The following CD300LB variants were observed in gnomAD, a reference collection of about 807,000 sequenced individuals.
CD300LB encodes CD300 molecule like family member b, also known as CMRF35-like molecule 7.
CD300LB carries 18 observed loss-of-function variants against 20.8 expected under a neutral mutation model. The ratio of observed to expected loss-of-function variants is 0.87; its 90% CI spans 0.60 to 1.28. The LOEUF is 1.28. CD300LB is among the 50% of genes most tolerant of loss of function. The pLI, the probability that CD300LB is intolerant of heterozygous loss-of-function variation, is 0.00. For missense variants in CD300LB, 222 were observed against 251.8 expected (o/e 0.88, Z 0.80); for synonymous variants, 91 against 91.3 (o/e 1.00, Z 0.02).
chr17:74,522,387 G>A lies in CD300LB; in HGVS notation c.*351C>T, dbSNP rs1015862139. On this transcript the variant is annotated 3_prime_UTR_variant, in exon 4 of 4. Coordinates refer to ENST00000392621, the MANE Select transcript of CD300LB (RefSeq NM_174892.4). ...GGTCTCCGGAATGATGGAAGTCTAG[G>A]GCTGGGGGGGTCTCCCCCAACCTCT... The A allele has an allele frequency of 6.8e-6, 7 of 1,025,028 alleles. No homozygotes were observed. Among genetic ancestry groups the A allele is most frequent in the Non-Finnish European group, 8.2e-6 (7 of 855,326 alleles). The allele number at this position is 1,025,028 out of a possible 1,614,324, so 63.5% of individuals were successfully genotyped here.
rs1396987649 is a variant in CD300LB at position 74,521,666 on chromosome 17, G to T, written c.*1072C>A. On this transcript the variant is annotated 3_prime_UTR_variant, in exon 4 of 4. Coordinates refer to ENST00000392621, the MANE Select transcript of CD300LB (RefSeq NM_174892.4). ...TTAGAACCAAGAGCAGGTTGGAGGCGTCCTCATGGGTGTTCAAAGGGCAAC... is the reference window on the plus strand; with the variant it reads ...TTAGAACCAAGAGCAGGTTGGAGGCTTCCTCATGGGTGTTCAAAGGGCAAC... 1.2e-5 allele frequency: 12 copies of T among 985,338 alleles called. No homozygotes were observed. The highest frequency in any genetic ancestry group is 1.7e-5 in the African/African-American group (1 of 57,204). The allele number at this position is 985,338 out of a possible 1,614,324, so 61.0% of individuals were successfully genotyped here. A position where few individuals can be genotyped will look rare whatever the true frequency, so the allele number is the denominator to read the frequency against.
chr17:74,522,628 G>A lies in CD300LB; in HGVS notation c.*110C>T. 6.5e-6 allele frequency: 10 copies of A among 1,537,608 alleles called. No individual in the cohort carries two copies. The highest frequency in any genetic ancestry group is 7.9e-6 in the Non-Finnish European group (9 of 1,143,780). On this transcript the variant is annotated 3_prime_UTR_variant, in exon 4 of 4. Transcript: ENST00000392621. ...GCTCCAAGGCCAGGGCGGAGGCCCA[G>A]GGCCCCTATCTCAGTCACTGCATCC...
At chr17:74,523,299 C>T (rs546018291) in intron 3 of CD300LB, 11 of 542,290 alleles carry the variant, frequency 2.0e-5, no homozygotes, top group Non-Finnish European at 3.3e-5. Flanking sequence ...ATCTTATCTC[C>T]CCCTGGCACC....
At chr17:74,531,278 A>T in intron 1 of CD300LB, 33 bp downstream of exon 1, 1 of 1,518,990 alleles carries the variant, frequency 6.6e-7, no homozygotes, top group Non-Finnish European at 8.8e-7. Flanking sequence ...TGCCCCTGTC[A>T]TACCAAGCGC....
chr17:74,531,239 G>A, intron 1 of CD300LB, 72 bp downstream of exon 1: 2 of 1,440,774 alleles, frequency 1.4e-6, no homozygotes, highest in Non-Finnish European at 9.2e-7. Context: ...CCTGGATGTG[G>A]AAGGACAAAT....
At chr17:74,529,924 GT>G (rs1908151108) in intron 1 of CD300LB, among the ~76,000 whole-genome samples, 1 of 152,260 alleles carries the variant, frequency 6.6e-6, no homozygotes, top group Admixed American at 6.5e-5. Flanking sequence ...CATTCAAACT[GT>G]AAATGGCTCA....
chr17:74,523,694 G>T, intron 2 of CD300LB, 43 bp from the exon 3 acceptor site: 1 of 1,397,286 alleles, frequency 7.2e-7, no homozygotes, highest in South Asian at 1.2e-5. Context: ...AGCACAGTTG[G>T]GAGCTCATGC....
At position 74,525,882 on chromosome 17, in the gene CD300LB, T is replaced by C; in HGVS notation, c.236A>G (p.Lys79Arg). The C allele has an allele frequency of 1.9e-6, 3 of 1,614,164 alleles. No individual in the cohort carries two copies. The highest frequency in any genetic ancestry group is 2.2e-5 in the East Asian group (1 of 44,876). The change falls in exon 2 of 4, where the codon AAG (lysine) becomes AGG (arginine). Residue 79 changes from lysine to arginine, a missense_variant. Lys to Arg is a conservative substitution (Grantham distance 26). Coordinates refer to ENST00000392621, the MANE Select transcript of CD300LB (RefSeq NM_174892.4). ...GAACGTGCGGTCTTTCTGATTGTCC[T>C]TGATGGACACACGGTCACTCTTCTC... ...QGEKSDRVSI[K>R]DNQKDRTFTV... is the part of the protein sequence containing the mutation.
chr17:74,525,280 G>A (rs1907995354), intron 2 of CD300LB, among the ~76,000 whole-genome samples: 1 of 152,168 alleles, frequency 6.6e-6, no homozygotes, highest in Admixed American at 6.5e-5. Flanking sequence ...CTTACCCCGT[G>A]CTCATCTTAC....
intron 3 of CD300LB, 52 bp from the exon 4 acceptor site, chr17:74,522,952 A>G (rs1277275671): frequency 1.9e-6 from 3 of 1,553,486 alleles, no homozygotes; most frequent in Non-Finnish European, 2.6e-6. Context: ...AGGCCATGTC[A>G]CTCCCATCCC....
chr17:74,525,686 G>T, intron 2 of CD300LB, 62 bp downstream of exon 2: 1 of 1,431,984 alleles, frequency 7.0e-7, no homozygotes, highest in South Asian at 1.3e-5. Context: ...GAGCAGGTAA[G>T]AGCACTGACT....
intron 1 of CD300LB, among the ~76,000 whole-genome samples, chr17:74,526,690 G>A (rs1908046347): frequency 6.6e-6 from 1 of 152,158 alleles, no homozygotes; most frequent in Non-Finnish European, 1.5e-5. Flanking sequence ...TCCAGCCTAG[G>A]CAACAGAGTG....
intron 1 of CD300LB, among the ~76,000 whole-genome samples, chr17:74,526,726 G>GA (rs1034102495): frequency 2.0e-5 from 3 of 151,758 alleles, no homozygotes; most frequent in East Asian, 1.9e-4. Context: ...AAAAGAAAAA[G>GA]AAAAAAAATC....
At chr17:74,523,735 C>T in intron 2 of CD300LB, 84 bp from the exon 3 acceptor site, 1 of 872,320 alleles carries the variant, frequency 1.1e-6, no homozygotes, top group Non-Finnish European at 2.0e-6. Context: ...ACCCTGCCAG[C>T]CCTCACCAGA....
intron 2 of CD300LB, 27 bp from the exon 3 acceptor site, chr17:74,523,678 G>C: frequency 6.5e-7 from 1 of 1,542,610 alleles, no homozygotes. Context: ...TCAGCCATGG[G>C]TTATTAGCAC....
In CD300LB at chr17:74,522,834, G is replaced by T. The variant is rs114955209; in HGVS notation, c.510C>A (p.Leu170=). The change falls in exon 4 of 4, where the codon CTC becomes CTA. Residue 170 remains leucine (L), a synonymous_variant. Transcript: ENST00000392621. ...PILLILVTAI[L]WLKGSQRVPE... ...GGACCCTCTGAGACCCCTTCAACCA[G>T]AGGATGGCAGTGACCAAGATGAGCA... 2.8e-3 allele frequency: 4,548 copies of T among 1,614,122 alleles called. 10 individuals carry two copies. The highest frequency in any genetic ancestry group is 3.3e-3 in the Non-Finnish European group (3,887 of 1,180,022).
At chr17:74,527,301 C>T (rs146154844) in intron 1 of CD300LB, among the ~76,000 whole-genome samples, 166 of 152,308 alleles carry the variant, frequency 1.1e-3, no homozygotes, top group East Asian at 9.7e-4. Context: ...TTCTTGATCA[C>T]GCAGAAGTGG....
chr17:74,528,329 C>T (rs11657099), intron 1 of CD300LB, among the ~76,000 whole-genome samples: 4,079 of 152,138 alleles, frequency 0.027, 59 homozygotes, highest in South Asian at 0.05. Context: ...CTAAAGAAAC[C>T]CAACCCTACT....
chr17:74,521,232 G>T lies in CD300LB; in HGVS notation c.*1506C>A. On this transcript the variant is annotated 3_prime_UTR_variant, in exon 4 of 4. Transcript: ENST00000392621. ...CAGGAAGAAACGGTGGGAAAAGAATGACATCACGTTGACAAGCGCCCATGT... is the reference window on the plus strand; with the variant it reads ...CAGGAAGAAACGGTGGGAAAAGAATTACATCACGTTGACAAGCGCCCATGT... The T allele has an allele frequency of 3.3e-6, 1 of 305,964 alleles. No individual in the cohort carries two copies. The highest frequency in any genetic ancestry group is 4.8e-6 in the Non-Finnish European group (1 of 209,016). 19.0% of individuals were successfully genotyped at this position (305,964 alleles called of 1,614,324 possible).
Sources: allele counts gnomAD v4.1 joint callset (sites outside exome capture counted in the v4.1 genomes callset), GRCh38; gene constraint gnomAD v4.1.1; transcripts MANE v1.5; gene names NCBI Gene and HGNC (gene_info 2026-07-23, HGNC 2026-07-21).